Variants in PKHD1 observed in about 807,000 individuals in gnomAD.
The protein encoded by PKHD1 is fibrocystin.
In PKHD1, 291 loss-of-function variants were observed where a neutral mutation model predicts 412.0. The ratio of observed to expected loss-of-function variants is 0.71; its 90% CI spans 0.64 to 0.78. The LOEUF (loss-of-function observed/expected upper bound fraction) is 0.78. Among genes scored for constraint, PKHD1 ranks in the 30% least tolerant of loss-of-function variants. PKHD1 has a pLI of 0.00. For synonymous variants in PKHD1, 1,777 were observed against 1,821.5 expected (o/e 0.98, Z 0.62); for missense variants, 4,825 against 4,950.7 (o/e 0.97, Z 0.76).
At chr6:51,784,510 C>A (rs1360465743) in intron 53 of PKHD1, among the ~76,000 whole-genome samples, 2 of 152,152 alleles carry the variant, frequency 1.3e-5, no homozygotes, top group Admixed American at 6.5e-5. Flanking sequence ...AGAAATTGTA[C>A]AATGAGTTAC....
intron 53 of PKHD1, among the ~76,000 whole-genome samples, chr6:51,787,940 A>G (rs1350129329): frequency 6.6e-6 from 1 of 152,232 alleles, no homozygotes; most frequent in Non-Finnish European, 1.5e-5. Context: ...TGTATTTAAT[A>G]TCTCTCAATT....
intron 23 of PKHD1, among the ~76,000 whole-genome samples, chr6:52,047,737 C>A (rs1488194198): frequency 6.6e-6 from 1 of 152,160 alleles, no homozygotes; most frequent in Non-Finnish European, 1.5e-5. Context: ...TACCTGGGTT[C>A]ACAACTGGAC....
intron 35 of PKHD1, among the ~76,000 whole-genome samples, chr6:52,004,790 C>G (rs948620908): frequency 6.6e-6 from 1 of 152,182 alleles, no homozygotes; most frequent in Non-Finnish European, 1.5e-5. Context: ...TTTCTCCACT[C>G]TAATCAGTCA....
intron 26 of PKHD1, 77 bp downstream of exon 26, chr6:52,043,548 C>A: frequency 1.0e-6 from 1 of 981,450 alleles, no homozygotes; most frequent in Non-Finnish European, 1.6e-6. Context: ...CCACCCATCA[C>A]CAGCTACATG....
intron 35 of PKHD1, among the ~76,000 whole-genome samples, chr6:51,986,336 A>G (rs1490209895): frequency 6.6e-6 from 1 of 152,178 alleles, no homozygotes; most frequent in Admixed American, 6.5e-5. Flanking sequence ...TGTGTCTTTC[A>G]AGACTGCACT....
Position 51,887,230 on chromosome 6 carries a change from C to G in PKHD1, c.7012G>C (p.Gly2338Arg), listed in dbSNP as rs2127557145. Reference protein sequence around the residue: ...TNVIEGNRVCGAGYGYFFHLM... With the variant: ...TNVIEGNRVCRAGYGYFFHLM... Reference sequence around the variant, plus strand: ...TGGAAAAAGTAGCCATAGCCAGCACCACACACTCTGTTCCCCTACAGAAAT... The same window carrying G: ...TGGAAAAAGTAGCCATAGCCAGCACGACACACTCTGTTCCCCTACAGAAAT... The change falls in exon 44 of 67, where the codon GGT becomes CGT. Residue 2338 changes from glycine (G) to arginine (R), a missense_variant. Physicochemically the swap from Gly to Arg is moderately radical, Grantham distance 125 (BLOSUM62 -2). Coordinates refer to ENST00000371117, the MANE Select transcript of PKHD1 (RefSeq NM_138694.4). 3 of 1,607,008 alleles carry G rather than the reference C, an allele frequency of 1.9e-6. No individual in the cohort carries two copies. Among genetic ancestry groups the G allele is most frequent in the Middle Eastern group, 3.3e-4 (2 of 6,048 alleles).
Position 51,791,471 on chromosome 6 carries a change from T to A in PKHD1, c.8303-98A>T, listed in dbSNP as rs1461759455. The stretch of plus-strand genomic sequence containing the variant: ...AGCAGTTTGGGAGCTGTGTACAGTG[T>A]TATCTAAACCAGGACAGGTATAGCA... On this transcript the variant is annotated intron_variant, in intron 52 of 66. Transcript: ENST00000371117. 5 of 1,107,404 alleles carry A rather than the reference T, an allele frequency of 4.5e-6. No homozygotes were observed. The East Asian group carries it at 1.2e-4, about 27-fold the overall frequency. 68.6% of individuals were successfully genotyped at this position (1,107,404 alleles called of 1,614,324 possible). A position where few individuals can be genotyped will look rare whatever the true frequency, so the allele number is the denominator to read the frequency against.
chr6:51,935,260 A>T lies in PKHD1; in HGVS notation c.5909-938T>A, dbSNP rs577276161. On this transcript the variant is annotated intron_variant, in intron 36 of 66. Transcript: ENST00000371117. ...TGATGTCCAAATTTTCAGTAACACAAGAATATTCGTTTATAATAGAATTAT... is the reference window on the plus strand; with the variant it reads ...TGATGTCCAAATTTTCAGTAACACATGAATATTCGTTTATAATAGAATTAT... 2.6e-5 allele frequency among the ~76,000 whole-genome samples: 4 copies of T among 152,334 alleles called. No homozygotes were observed. The South Asian group carries it at 6.2e-4, about 24-fold the overall frequency.
At position 52,025,193 on chromosome 6, in the gene PKHD1, C is replaced by A. The variant is rs1401177165; in HGVS notation, c.4617G>T (p.Gln1539His). The A allele has an allele frequency of 1.2e-6, 2 of 1,614,102 alleles. No homozygotes were observed. The highest frequency in any genetic ancestry group is 1.7e-6 in the Non-Finnish European group (2 of 1,180,046). ...TFFNASHVVCQTRDLAPGPHY... is the reference protein window; with the variant it reads ...TFFNASHVVCHTRDLAPGPHY... Reference sequence around the variant, plus strand: ...GGGGTCCTGGGGCCAAGTCTCTTGTCTGGCACACAACGTGGCTTGCATTAA... The same window carrying A: ...GGGGTCCTGGGGCCAAGTCTCTTGTATGGCACACAACGTGGCTTGCATTAA... The change falls in exon 32 of 67, where the codon CAG (glutamine) becomes CAT (histidine). Residue 1539 changes from glutamine to histidine, a missense_variant. Coordinates refer to ENST00000371117, the MANE Select transcript of PKHD1 (RefSeq NM_138694.4).
rs780097121 is a variant in PKHD1 at position 51,619,230 on chromosome 6, G to T, written c.12076C>A (p.Gln4026Lys). 1.2e-6 allele frequency: 2 copies of T among 1,614,252 alleles called. No homozygotes were observed. Residue 4026 changes from glutamine to lysine, a missense_variant, in exon 67 of 67, where the codon CAA (glutamine) becomes AAA (lysine). By Grantham distance (53) the Gln-to-Lys change is moderately conservative (BLOSUM62 1). Transcript: ENST00000371117. ...TGCCCTGGCAACTGCTGCCTCTCTT[G>T]TCTGAAGTCTGGGCATAGCAGCAGC... The part of the protein sequence containing the change: ...QLLLLCPDFR[Q>K]ERQQLPGQSR...
chr6:51,762,644 TTC>T (rs1491135883), intron 55 of PKHD1, among the ~76,000 whole-genome samples: 1 of 101,254 alleles, frequency 9.9e-6, no homozygotes, highest in African/African-American at 4.3e-5. Flanking sequence ...ACTACCATTA[TTC>T]ACATATATAT....
intron 53 of PKHD1, among the ~76,000 whole-genome samples, chr6:51,782,706 A>C (rs758005693): frequency 6.6e-6 from 1 of 152,136 alleles, no homozygotes; most frequent in Non-Finnish European, 1.5e-5. Flanking sequence ...TTCTAATCAT[A>C]GTTAAATCTG....
rs761352771 is a variant in PKHD1, at chr6:51,747,861, G to C, written c.9755C>G (p.Pro3252Arg). ...CCATGGCTCCTGAGGCCACTGATTT[G>C]GTTCTGAGGTGAATACAGGCCACAG... ...GILWPVFTSE[P>R]NQWPQEPWHK... The change falls in exon 58 of 67, where the codon CCA (proline) becomes CGA (arginine). Residue 3252 changes from proline to arginine, a missense_variant. By Grantham distance (103) the Pro-to-Arg change is moderately radical (BLOSUM62 -2). Coordinates refer to ENST00000371117, the MANE Select transcript of PKHD1 (RefSeq NM_138694.4). 6.2e-7 allele frequency: 1 copy of C among 1,613,548 alleles called. No homozygotes were observed. Among genetic ancestry groups the C allele is most frequent in the Admixed American group, 1.7e-5 (1 of 59,974 alleles).
At chr6:51,896,914 C>A (rs552495233) in intron 43 of PKHD1, among the ~76,000 whole-genome samples, 1 of 151,844 alleles carries the variant, frequency 6.6e-6, no homozygotes, top group Non-Finnish European at 1.5e-5. Context: ...AGGGTATCAG[C>A]GATGGAAGAT....
chr6:51,648,228 G>T, intron 62 of PKHD1, 110 bp from the exon 63 acceptor site: 1 of 687,076 alleles, frequency 1.5e-6, no homozygotes, highest in South Asian at 1.6e-5. Flanking sequence ...CATATATTCA[G>T]TAGAAATAAA....
At chr6:51,765,729 C>A (rs1788880062) in intron 55 of PKHD1, among the ~76,000 whole-genome samples, 1 of 152,088 alleles carries the variant, frequency 6.6e-6, no homozygotes, top group African/African-American at 2.4e-5. Flanking sequence ...TGAGTATCGT[C>A]TTTCTCTCAA....
chr6:52,061,038 G>A (rs1244729044), intron 14 of PKHD1, among the ~76,000 whole-genome samples: 1 of 152,118 alleles, frequency 6.6e-6, no homozygotes, highest in African/African-American at 2.4e-5. Context: ...TTGCCTTTTG[G>A]GGTAGGCTGA....
Position 51,746,789 on chromosome 6 carries a change from T to C in PKHD1, c.9930A>G (p.Thr3310=). 6.2e-7 allele frequency: 1 copy of C among 1,611,384 alleles called. No individual in the cohort carries two copies. Among genetic ancestry groups the C allele is most frequent in the South Asian group, 1.1e-5 (1 of 91,028 alleles). ...TCTTTAGCATCCTGGTCCTCTCTGCTGTTATTGGGTGCATAATTCCACTGT... is the reference window on the plus strand; with the variant it reads ...TCTTTAGCATCCTGGTCCTCTCTGCCGTTATTGGGTGCATAATTCCACTGT... ...AENSGIMHPI[T]AERTRMLKIK... The change falls in exon 59 of 67, where the codon ACA becomes ACG. Residue 3310 remains threonine (T), a synonymous_variant. Transcript: ENST00000371117.
At chr6:51,771,525 A>G (rs1163320037) in intron 55 of PKHD1, among the ~76,000 whole-genome samples, 1 of 151,976 alleles carries the variant, frequency 6.6e-6, no homozygotes, top group Non-Finnish European at 1.5e-5. Flanking sequence ...AGGCTGAGAC[A>G]GGAAAATCAC....
Sources: allele counts gnomAD v4.1 joint callset (sites outside exome capture counted in the v4.1 genomes callset), GRCh38; gene constraint gnomAD v4.1.1; transcripts MANE v1.5; gene names NCBI Gene and HGNC (gene_info 2026-07-23, HGNC 2026-07-21).